Variants in DNMBP observed in about 807,000 individuals in gnomAD.
The protein encoded by DNMBP is dynamin-binding protein.
DNMBP carries 87 observed loss-of-function variants against 150.0 expected under a neutral mutation model. The observed-to-expected ratio is 0.58, with a 90% CI of 0.49 to 0.69. DNMBP has a LOEUF of 0.69. Ranked by LOEUF, DNMBP falls within the 30% of genes least tolerant of loss-of-function variation. DNMBP has a pLI of 0.00. For synonymous variants in DNMBP, 711 were observed against 750.4 expected, an observed-to-expected ratio of 0.95 and a Z score of 0.86; for missense variants, 1,774 against 1,949.0, an observed-to-expected ratio of 0.91 and a Z score of 1.69.
chr10:99,941,053 T>G, intron 4 of DNMBP, among the ~76,000 whole-genome samples: 1 of 151,806 alleles, frequency 6.6e-6, no homozygotes, highest in Non-Finnish European at 1.5e-5. Flanking sequence ...CTTGGCTAAT[T>G]TTTGTGTTTT....
intron 1 of DNMBP, among the ~76,000 whole-genome samples, chr10:100,003,943 A>AT (rs1367771350): frequency 6.6e-6 from 1 of 152,008 alleles, no homozygotes; most frequent in Non-Finnish European, 1.5e-5. Flanking sequence ...CAAAAATATA[A>AT]TTTTTTGGCC....
chr10:99,943,557 C>T (rs2040326075), intron 4 of DNMBP, among the ~76,000 whole-genome samples: 1 of 152,104 alleles, frequency 6.6e-6, no homozygotes, highest in African/African-American at 2.4e-5. Context: ...TGTACACCAC[C>T]ATATCCAGCT....
At chr10:99,998,553 T>G (rs925898044) in intron 1 of DNMBP, among the ~76,000 whole-genome samples, 1 of 145,542 alleles carries the variant, frequency 6.9e-6, no homozygotes, top group African/African-American at 2.6e-5. Context: ...GCACTCCAGT[T>G]TGGGTGACAG....
At chr10:99,921,022 A>ATGAGTACACCAACTTC (rs1392538450) in intron 4 of DNMBP, among the ~76,000 whole-genome samples, 1 of 152,202 alleles carries the variant, frequency 6.6e-6, no homozygotes, top group African/African-American at 2.4e-5. Context: ...TCAGTTGGGT[A>ATGAGTACACCAACTTC]TGAGTACACC....
At chr10:99,944,562 A>T (rs12252891) in intron 4 of DNMBP, among the ~76,000 whole-genome samples, 57,855 of 152,004 alleles carry the variant, frequency 0.38, 11,316 homozygotes, top group African/African-American at 0.46. Context: ...ATTTGACTGG[A>T]AGCTCCTTGA....
Position 99,989,022 on chromosome 10 carries a change from A to G in DNMBP, c.-10-16888T>C, listed in dbSNP as rs767898101. Among the ~76,000 whole-genome samples, 124 of 152,120 alleles carry G rather than the reference A, an allele frequency of 8.2e-4. 1 individual carries two copies. Among genetic ancestry groups the G allele is most frequent in the Non-Finnish European group, 1.4e-3 (92 of 68,028 alleles). On this transcript the variant is annotated intron_variant, in intron 1 of 16. Transcript: ENST00000324109. ...CCTCTATATTCAAACTTTTTCAGCT[A>G]CTTCTTATTCTTATAATATATACGC...
chr10:99,987,421 G>A (rs375404572), intron 1 of DNMBP, among the ~76,000 whole-genome samples: 1 of 152,074 alleles, frequency 6.6e-6, no homozygotes, highest in African/African-American at 2.4e-5. Context: ...GAGTAGCTGG[G>A]ATAAGATAAG....
At position 99,956,520 on chromosome 10, in the gene DNMBP, G is replaced by C. The variant is rs747016652; in HGVS notation, c.954C>G (p.Ala318=). 1 of 1,614,078 alleles carries C rather than the reference G, an allele frequency of 6.2e-7. No homozygotes were observed. The highest frequency in any genetic ancestry group is 8.5e-7 in the Non-Finnish European group (1 of 1,180,008). Residue 318 remains alanine, a synonymous_variant, in exon 4 of 17, where the codon GCC becomes GCG. Coordinates refer to ENST00000324109, the MANE Select transcript of DNMBP (RefSeq NM_015221.4). ...AATCCAAAGAAGTTTCCGGGATCCTGGCAAGGCTGCCTTCCTGGGGCAGAG... is the reference window on the plus strand; with the variant it reads ...AATCCAAAGAAGTTTCCGGGATCCTCGCAAGGCTGCCTTCCTGGGGCAGAG... ...TMALPQEGSL[A]RIPETSLDCL... is the part of the protein sequence containing the mutation.
intron 9 of DNMBP, 136 bp from the exon 10 acceptor site, chr10:99,896,533 G>T: frequency 1.2e-6 from 1 of 861,244 alleles, no homozygotes. Flanking sequence ...TCCAAATAAT[G>T]ATTTATGGAC....
chr10:99,972,641 C>T (rs1193132824), intron 1 of DNMBP, among the ~76,000 whole-genome samples: 2 of 150,238 alleles, frequency 1.3e-5, no homozygotes, highest in Non-Finnish European at 1.5e-5. Flanking sequence ...AAACAGGTCT[C>T]GCTTTATCAC....
intron 4 of DNMBP, among the ~76,000 whole-genome samples, chr10:99,941,086 T>C (rs2040294052): frequency 6.6e-6 from 1 of 152,118 alleles, no homozygotes; most frequent in African/African-American, 2.4e-5. Flanking sequence ...GGTTTCACCA[T>C]GTTGGTCCGG....
chr10:99,955,064 A>AAAAAAAAAAGAAAAGAAATTAGGTAATG, intron 4 of DNMBP, 150 bp downstream of exon 4: 1 of 753,512 alleles, frequency 1.3e-6, no homozygotes, highest in African/African-American at 1.8e-5. Context: ...AAAAAGGAAA[A>AAAAAAAAAAGAAAAGAAATTAGGTAATG]AAAAAAAAAG....
intron 3 of DNMBP, among the ~76,000 whole-genome samples, chr10:99,965,211 A>C (rs1030230491): frequency 1.3e-5 from 2 of 152,094 alleles, no homozygotes; most frequent in South Asian, 2.1e-4. Context: ...TAGGTATTAT[A>C]TTATTATCCT....
At chr10:99,987,636 G>C (rs1211147428) in intron 1 of DNMBP, among the ~76,000 whole-genome samples, 1 of 152,026 alleles carries the variant, frequency 6.6e-6, no homozygotes, top group Non-Finnish European at 1.5e-5. Flanking sequence ...TGGGAGCTGA[G>C]GCAGGAGGAT....
At chr10:100,005,786 C>CAAAAAAAAAAAAAAAAAAA (rs1589458237) in intron 1 of DNMBP, among the ~76,000 whole-genome samples, 33 of 101,062 alleles carry the variant, frequency 3.3e-4, no homozygotes, top group Middle Eastern at 5.6e-3. Flanking sequence ...AAAAAAAAAC[C>CAAAAAAAAAAAAAAAAAAA]AAACTACATA....
In DNMBP at chr10:99,955,615, G is replaced by A; in HGVS notation, c.1859C>T (p.Ser620Phe). Residue 620 changes from serine to phenylalanine, a missense_variant, in exon 4 of 17, where the codon TCC becomes TTC. By Grantham distance (155) the Ser-to-Phe change is radical (BLOSUM62 -2). Around this residue, in one of 2 missense-constraint regions of DNMBP, gnomAD observed 1,430 missense variants for 1,492.5 expected, o/e 0.96. Transcript: ENST00000324109. ...GTCAACCAGCAAATGGGGAGAAGTG[G>A]ATACCGGAGTACAGGGACGAGGTGG... ...PPPPRPCTPV[S>F]TSPHLLVDQN... The A allele has an allele frequency of 6.2e-7, 1 of 1,614,210 alleles. No individual in the cohort carries two copies. Among genetic ancestry groups the A allele is most frequent in the Non-Finnish European group, 8.5e-7 (1 of 1,180,032 alleles).
intron 4 of DNMBP, chr10:99,930,670 G>A (rs751588933): frequency 2.6e-5 from 18 of 702,638 alleles, no homozygotes; most frequent in African/African-American, 1.2e-4. Context: ...TTCCTTTTCC[G>A]TACACTCCCG....
chr10:99,877,400 C>T (rs1201075577), intron 16 of DNMBP, 64 bp from the exon 17 acceptor site: 35 of 1,399,240 alleles, frequency 2.5e-5, no homozygotes, highest in African/African-American at 7.2e-5. Flanking sequence ...CAGCTTCGTG[C>T]GGTGTTGGGG....
intron 3 of DNMBP, 29 bp from the exon 4 acceptor site, chr10:99,957,234 C>T (rs757680761): frequency 6.3e-7 from 1 of 1,577,482 alleles, no homozygotes; most frequent in South Asian, 1.1e-5. Flanking sequence ...GAGATGGTGA[C>T]CTCAGTCATC....
Sources: gnomAD v4.1 joint callset for allele counts (sites outside exome capture counted in the v4.1 genomes callset) on GRCh38, gnomAD v4.1.1 for gene constraint, gnomAD v4.1.1 regional missense constraint, MANE v1.5 for transcripts, NCBI Gene and HGNC (gene_info 2026-07-23, HGNC 2026-07-21) for gene names.